The following ZNF445 variants were observed in gnomAD, a reference collection of about 807,000 sequenced individuals.
ZNF445 encodes zinc finger protein 445.
In ZNF445, 19 loss-of-function variants were observed where a neutral mutation model predicts 93.9. The observed-to-expected ratio is 0.20, with a 90% CI of 0.14 to 0.30. The LOEUF is 0.30. Ranked by LOEUF, ZNF445 falls within the 10% of genes least tolerant of loss-of-function variation. The pLI, the probability that ZNF445 is intolerant of heterozygous loss-of-function variation, is 1.00. For synonymous variants in ZNF445, 449 were observed against 446.3 expected (o/e 1.01, Z -0.08); for missense variants, 1,058 against 1,259.4 (o/e 0.84, Z 2.42).
At position 44,440,238 on chromosome 3, in the gene ZNF445, T is replaced by A. The variant is rs1253049478; in HGVS notation, c.*6337A>T. ...AAACCTGGCTGATATAAAATCTCCT[T>A]GCTGTTCTTAGCAGGGTTAACATTA... On this transcript the variant is annotated 3_prime_UTR_variant, in exon 8 of 8. Transcript: ENST00000396077. 6.6e-6 allele frequency: 1 copy of A among 152,244 alleles called. No individual in the cohort carries two copies. Among genetic ancestry groups the A allele is most frequent in the Non-Finnish European group, 1.5e-5 (1 of 68,038 alleles). The allele number at this position is 152,244 out of a possible 1,614,324, so 9.4% of individuals were successfully genotyped here. A position where few individuals can be genotyped will look rare whatever the true frequency, so the allele number is the denominator to read the frequency against.
intron 1 of ZNF445, among the ~76,000 whole-genome samples, chr3:44,460,579 C>A (rs1391947465): frequency 6.6e-6 from 1 of 152,142 alleles, no homozygotes; most frequent in African/African-American, 2.4e-5. Flanking sequence ...GCCCCCCACC[C>A]AGGAACTGAC....
Position 44,448,354 on chromosome 3 carries a change from G to GA in ZNF445, c.1316_1317insT (p.Met440HisfsTer13). ...GATGTAGGCTGAAGCCCCCAATCAT[G>GA]TGTCTGAGCCCCTTCCCATATTTCT... On this transcript the variant is annotated frameshift_variant, in exon 8 of 8. Transcript: ENST00000396077. LOFTEE classifies it high-confidence loss of function. 1 of 1,614,210 alleles carries GA rather than the reference G, an allele frequency of 6.2e-7. No homozygotes were observed. Among genetic ancestry groups the GA allele is most frequent in the Non-Finnish European group, 8.5e-7 (1 of 1,180,046 alleles).
Position 44,447,188 on chromosome 3 carries a change from T to G in ZNF445, c.2483A>C (p.Asn828Thr). The change falls in exon 8 of 8, where the codon AAT becomes ACT. Residue 828 changes from asparagine to threonine, a missense_variant. Transcript: ENST00000396077. This position sits in a 1 kb window ranked among gnomAD's most constrained non-coding sequence, Gnocchi z 4.7. ...YDCHESEKTP[N>T]VEPKILTGEK... ...ACCAGTGAGGATTTTTGGCTCCACA[T>G]TTGGAGTCTTTTCACTTTCATGGCA... 1 of 1,614,206 alleles carries G rather than the reference T, an allele frequency of 6.2e-7. No individual in the cohort carries two copies. The highest frequency in any genetic ancestry group is 8.5e-7 in the Non-Finnish European group (1 of 1,180,030).
At chr3:44,450,710 A>C in intron 5 of ZNF445, 137 bp from the exon 6 acceptor site, 1 of 1,331,736 alleles carries the variant, frequency 7.5e-7, no homozygotes, top group Non-Finnish European at 1.0e-6. Context: ...ATCACCCAGC[A>C]GAAGACCTCT....
intron 6 of ZNF445, chr3:44,450,159 A>C: frequency 2.4e-6 from 1 of 415,602 alleles, no homozygotes; most frequent in South Asian, 2.2e-5. Flanking sequence ...GACTGGTCTC[A>C]AACTCCTGAG....
chr3:44,470,061 G>A (rs1290052870), intron 1 of ZNF445, among the ~76,000 whole-genome samples: 1 of 152,074 alleles, frequency 6.6e-6, no homozygotes, highest in Non-Finnish European at 1.5e-5. Flanking sequence ...CTGAATAGCT[G>A]AGACTACAGA....
intron 1 of ZNF445, among the ~76,000 whole-genome samples, chr3:44,466,743 T>A (rs1428079867): frequency 2.0e-5 from 3 of 152,230 alleles, no homozygotes; most frequent in Admixed American, 1.3e-4. Context: ...CTCTGGAGAT[T>A]GTAACATTAG....
In ZNF445 at chr3:44,448,020, G is replaced by A. The variant is rs1250757785; in HGVS notation, c.1651C>T (p.Arg551Ter). 1.9e-6 allele frequency: 3 copies of A among 1,611,026 alleles called. No homozygotes were observed. The highest frequency in any genetic ancestry group is 2.2e-5 in the East Asian group (1 of 44,870). The stretch of plus-strand genomic sequence containing the variant: ...TGCAGACGGTAGGCTGACAGGCGTC[G>A]GAAAGCTTTCTCACATAAATCGCAT... ...YKCDLCEKAF[R>*]RLSAYRLHRE... Residue 551 changes from arginine (R) to a stop codon, truncating the protein, a stop_gained, in exon 8 of 8, where the codon CGA becomes TGA. Coordinates refer to ENST00000396077, the MANE Select transcript of ZNF445 (RefSeq NM_181489.6). LOFTEE classifies it high-confidence loss of function.
Position 44,477,629 on chromosome 3 carries a change from C to T in ZNF445, c.-307G>A, listed in dbSNP as rs1026449813. The stretch of plus-strand genomic sequence containing the variant: ...CGAGCGACAATCGGTCCACCCGCCG[C>T]CACCGCAGCCGCCCGTCCCGCGCCT... On this transcript the variant is annotated 5_prime_UTR_variant, in exon 1 of 8. Transcript: ENST00000396077. 2 of 152,798 alleles carry T rather than the reference C, an allele frequency of 1.3e-5. No individual in the cohort carries two copies. Among genetic ancestry groups the T allele is most frequent in the Non-Finnish European group, 2.9e-5 (2 of 68,078 alleles). 9.5% of individuals were successfully genotyped at this position (152,798 alleles called of 1,614,324 possible).
Position 44,446,786 on chromosome 3 carries a change from C to A in ZNF445, c.2885G>T (p.Ser962Ile). The A allele has an allele frequency of 6.2e-7, 1 of 1,614,180 alleles. No individual in the cohort carries two copies. Among genetic ancestry groups the A allele is most frequent in the East Asian group, 2.2e-5 (1 of 44,884 alleles). The change falls in exon 8 of 8, where the codon AGC (serine) becomes ATC (isoleucine). Residue 962 changes from serine to isoleucine, a missense_variant. This residue lies in a region of ZNF445 where 387 missense variants were observed against 475.7 expected (regional missense o/e 0.81). Transcript: ENST00000396077. This position sits in a 1 kb window ranked among gnomAD's most constrained non-coding sequence, Gnocchi z 4.2. ...LEDCKEACSQ[S>I]SRLTGLQDIS... ...GTCCTGGAGTCCAGTGAGCCTGGAG[C>A]TCTGGCTGCAAGCTTCTTTGCAGTC... is the stretch of plus-strand genomic sequence containing the variant.
At chr3:44,469,434 T>C (rs566712653) in intron 1 of ZNF445, among the ~76,000 whole-genome samples, 28 of 152,160 alleles carry the variant, frequency 1.8e-4, no homozygotes, top group African/African-American at 6.3e-4. Context: ...TGAAGAAAGA[T>C]AGGAACATGC....
chr3:44,469,990 C>T (rs757162724), intron 1 of ZNF445, among the ~76,000 whole-genome samples: 6 of 152,206 alleles, frequency 3.9e-5, no homozygotes, highest in Non-Finnish European at 5.9e-5. Flanking sequence ...TGCAGTAGCA[C>T]GATCACAGCT....
intron 1 of ZNF445, among the ~76,000 whole-genome samples, chr3:44,469,196 A>T (rs528306516): frequency 6.6e-6 from 1 of 152,304 alleles, no homozygotes; most frequent in Admixed American, 6.5e-5. Context: ...CACCCAAGGA[A>T]GAGACAGTGT....
At position 44,439,019 on chromosome 3, in the gene ZNF445, A is replaced by C. The variant is rs1417154037; in HGVS notation, c.*7556T>G. On this transcript the variant is annotated 3_prime_UTR_variant, in exon 8 of 8. Transcript: ENST00000396077. ...GTACCCTAAAAGTATAAAAAAAAAA[A>C]AAACAAGGACTCCAGGCATGGTGGC... The C allele has an allele frequency of 2.6e-5, 4 of 151,382 alleles. No homozygotes were observed. Among genetic ancestry groups the C allele is most frequent in the Non-Finnish European group, 4.4e-5 (3 of 67,864 alleles). 9.4% of individuals were successfully genotyped at this position (151,382 alleles called of 1,614,324 possible).
Position 44,432,277 on chromosome 3 carries a change from G to GTGTGTGTC in ZNF445, c.*14297_*14298insGACACACA, listed in dbSNP as rs1553610158. The GTGTGTGTC allele has an allele frequency of 7.3e-6, 1 of 136,348 alleles. No homozygotes were observed. Among genetic ancestry groups the GTGTGTGTC allele is most frequent in the African/African-American group, 2.9e-5 (1 of 34,736 alleles). The allele number at this position is 136,348 out of a possible 1,614,324, so 8.4% of individuals were successfully genotyped here. A position where few individuals can be genotyped will look rare whatever the true frequency, so the allele number is the denominator to read the frequency against. ...CACTCATTTGTGTGTGTGTGTCTGT[G>GTGTGTGTC]TGTGTGTGTGTGTGTGTGTGTGTGT... is the stretch of plus-strand genomic sequence containing the variant. On this transcript the variant is annotated 3_prime_UTR_variant, in exon 8 of 8. Coordinates refer to ENST00000396077, the MANE Select transcript of ZNF445 (RefSeq NM_181489.6).
chr3:44,438,827 G>A lies in ZNF445; in HGVS notation c.*7748C>T, dbSNP rs1288779596. The A allele has an allele frequency of 7.5e-6, 1 of 132,562 alleles. No homozygotes were observed. Among genetic ancestry groups the A allele is most frequent in the African/African-American group, 2.9e-5 (1 of 34,486 alleles). 8.2% of individuals were successfully genotyped at this position (132,562 alleles called of 1,614,324 possible). A position where few individuals can be genotyped will look rare whatever the true frequency, so the allele number is the denominator to read the frequency against. On this transcript the variant is annotated 3_prime_UTR_variant, in exon 8 of 8. Transcript: ENST00000396077. ...TGGGAATTGAACAATGAGAAAACAT[G>A]GACACAGGAAGGGGAACATCACACT...
intron 7 of ZNF445, among the ~76,000 whole-genome samples, chr3:44,449,082 T>C (rs1315647760): frequency 6.6e-6 from 1 of 152,196 alleles, no homozygotes; most frequent in East Asian, 1.9e-4. Flanking sequence ...CAAGGAGCAC[T>C]TGGCTGAAAG....
chr3:44,476,908 CA>C (rs138834104), intron 1 of ZNF445, among the ~76,000 whole-genome samples: 19 of 146,410 alleles, frequency 1.3e-4, no homozygotes, highest in African/African-American at 3.2e-4. Flanking sequence ...TTATCCTCGC[CA>C]AAAAAAAAAT....
chr3:44,470,384 T>C (rs1485345188), intron 1 of ZNF445, among the ~76,000 whole-genome samples: 1 of 152,236 alleles, frequency 6.6e-6, no homozygotes, highest in Non-Finnish European at 1.5e-5. Flanking sequence ...TATACGCATG[T>C]ATGTGAATGT....
Sources: gnomAD v4.1 joint callset for allele counts (sites outside exome capture counted in the v4.1 genomes callset) on GRCh38, gnomAD v4.1.1 for gene constraint, gnomAD v4.1.1 regional missense constraint, Gnocchi (gnomAD v3.1) non-coding constraint, MANE v1.5 for transcripts, NCBI Gene and HGNC (gene_info 2026-07-23, HGNC 2026-07-21) for gene names.